R3HDM1: variants seen among roughly 807,000 people sequenced by gnomAD.
R3HDM1 encodes the protein R3H domain-containing protein 1.
R3HDM1 carries 46 observed loss-of-function variants against 141.1 expected under a neutral mutation model. That is an observed-to-expected ratio of 0.33 (90% confidence interval 0.26 to 0.42). The LOEUF is 0.42. Ranked by LOEUF, R3HDM1 falls within the 10% of genes least tolerant of loss-of-function variation. The pLI, the probability that R3HDM1 is intolerant of heterozygous loss-of-function variation, is 1.00. For synonymous variants in R3HDM1, 435 were observed against 472.9 expected (o/e 0.92, Z 1.04); for missense variants, 1,184 against 1,368.3 (o/e 0.87, Z 2.12).
At chr2:135,713,125 C>CT (rs2075836037) in intron 23 of R3HDM1, among the ~76,000 whole-genome samples, 2 of 152,032 alleles carry the variant, frequency 1.3e-5, no homozygotes, top group South Asian at 4.2e-4. Flanking sequence ...TTGCTTGACC[C>CT]TGAGTGGTAG....
At chr2:135,694,986 A>C (rs1361889025) in intron 21 of R3HDM1, among the ~76,000 whole-genome samples, 1 of 152,206 alleles carries the variant, frequency 6.6e-6, no homozygotes, top group Admixed American at 6.5e-5. Context: ...AAAGGACACT[A>C]TCTCAATATG....
intron 3 of R3HDM1, among the ~76,000 whole-genome samples, chr2:135,615,289 G>T (rs889688306): frequency 7.2e-5 from 11 of 151,872 alleles, no homozygotes; most frequent in African/African-American, 2.7e-4. Context: ...GGATATTAAG[G>T]ATTTTGTATC....
chr2:135,651,654 A>C, intron 17 of R3HDM1, 76 bp from the exon 18 acceptor site: 1 of 1,492,394 alleles, frequency 6.7e-7, no homozygotes, highest in Non-Finnish European at 8.9e-7. Context: ...TTATTTAAAA[A>C]TAGGAAGTAT....
chr2:135,541,851 TAAAA>T (rs10558924), intron 1 of R3HDM1, among the ~76,000 whole-genome samples: 33 of 121,916 alleles, frequency 2.7e-4, no homozygotes, highest in African/African-American at 7.3e-4. Flanking sequence ...TTCAATTTGT[TAAAA>T]AAAAAAAAAA....
chr2:135,554,258 T>C (rs1317630467), intron 1 of R3HDM1, among the ~76,000 whole-genome samples: 1 of 152,242 alleles, frequency 6.6e-6, no homozygotes, highest in Non-Finnish European at 1.5e-5. Flanking sequence ...CATATATGTG[T>C]AATCATATAG....
intron 7 of R3HDM1, among the ~76,000 whole-genome samples, chr2:135,628,615 CTTGTTTGT>C (rs112512085): frequency 5.9e-5 from 9 of 152,056 alleles, no homozygotes; most frequent in Middle Eastern, 3.4e-3. Flanking sequence ...TGCCTCCTTT[CTTGTTTGT>C]TTGTTTGTTT....
At chr2:135,687,079 C>T (rs1460790411) in intron 21 of R3HDM1, among the ~76,000 whole-genome samples, 1 of 152,096 alleles carries the variant, frequency 6.6e-6, no homozygotes, top group Non-Finnish European at 1.5e-5. Context: ...CCGGTAGTCT[C>T]AGCTACTCAG....
chr2:135,720,010 A>C (rs2076552713), intron 24 of R3HDM1, among the ~76,000 whole-genome samples: 1 of 151,906 alleles, frequency 6.6e-6, no homozygotes, highest in South Asian at 2.1e-4. Flanking sequence ...ACGCCTGGCT[A>C]ATTTTTTGTG....
Position 135,721,715 on chromosome 2 carries a change from G to A in R3HDM1, c.2882-209G>A, listed in dbSNP as rs567499458. Reference sequence around the variant, plus strand: ...CAGTTCTCATGCCTCAGCCTCCTGAGTAGCTAGAATTACAGGCGCCCACCA... The same window carrying A: ...CAGTTCTCATGCCTCAGCCTCCTGAATAGCTAGAATTACAGGCGCCCACCA... On this transcript the variant is annotated intron_variant, in intron 24 of 26. Coordinates refer to ENST00000683871, the MANE Select transcript of R3HDM1 (RefSeq NM_001378107.1). The A allele has an allele frequency of 2.4e-4, 97 of 412,420 alleles. 1 individual carries two copies. The East Asian group carries it at 4.6e-3, about 19-fold the overall frequency. 25.5% of individuals were successfully genotyped at this position (412,420 alleles called of 1,614,324 possible).
intron 1 of R3HDM1, among the ~76,000 whole-genome samples, chr2:135,593,742 A>G (rs1363088802): frequency 6.7e-6 from 1 of 150,224 alleles, no homozygotes; most frequent in Admixed American, 6.6e-5. Context: ...TTTTTTTGAG[A>G]CGGAGTCTGA....
At chr2:135,642,014 A>T (rs1297738801) in intron 15 of R3HDM1, among the ~76,000 whole-genome samples, 1 of 152,212 alleles carries the variant, frequency 6.6e-6, no homozygotes, top group Non-Finnish European at 1.5e-5. Flanking sequence ...TCTATGCCAA[A>T]TACTAGCCCA....
chr2:135,660,594 C>G (rs2066564403), intron 18 of R3HDM1, among the ~76,000 whole-genome samples: 1 of 151,836 alleles, frequency 6.6e-6, no homozygotes, highest in Admixed American at 6.6e-5. Context: ...GCCTGTAATC[C>G]CAGCACTTTG....
rs1414090421 is a variant in R3HDM1, at chr2:135,651,891, T to C, written c.1887T>C (p.Pro629=). ...IMTAAPPPHP[P]PPPPPPPPPP... is the part of the protein sequence containing the mutation. ...CAGCAGCCCCTCCACCACATCCTCCTCCACCGCCACCACCACCACCTCCTC... is the reference window on the plus strand; with the variant it reads ...CAGCAGCCCCTCCACCACATCCTCCCCCACCGCCACCACCACCACCTCCTC... Residue 629 remains proline (P), a synonymous_variant, in exon 18 of 27, where the codon CCT becomes CCC. Coordinates refer to ENST00000683871, the MANE Select transcript of R3HDM1 (RefSeq NM_001378107.1). 6.2e-7 allele frequency: 1 copy of C among 1,611,558 alleles called. No individual in the cohort carries two copies. The highest frequency in any genetic ancestry group is 1.1e-5 in the South Asian group (1 of 91,012).
In R3HDM1 at chr2:135,721,929, T is replaced by A. The variant is rs775184262; in HGVS notation, c.2887T>A (p.Ser963Thr). Residue 963 changes from serine (S) to threonine (T), a missense_variant, in exon 25 of 27, where the codon TCC becomes ACC. By Grantham distance (58) the Ser-to-Thr change is moderately conservative (BLOSUM62 1). Coordinates refer to ENST00000683871, the MANE Select transcript of R3HDM1 (RefSeq NM_001378107.1). Reference sequence around the variant, plus strand: ...AATATTTTATTGACTTTCAGGAGATTCCAGGTATCCATTACTTGGCCAGCC... The same window carrying A: ...AATATTTTATTGACTTTCAGGAGATACCAGGTATCCATTACTTGGCCAGCC... ...SRPFVPGQGD[S>T]RYPLLGQPLQ... The A allele has an allele frequency of 1.2e-6, 2 of 1,612,690 alleles. No homozygotes were observed.
At chr2:135,634,400 G>GGA (rs1226365219) in intron 9 of R3HDM1, among the ~76,000 whole-genome samples, 26 of 152,116 alleles carry the variant, frequency 1.7e-4, no homozygotes, top group Admixed American at 1.7e-3. Context: ...CAGCACTTTG[G>GGA]GAGACTGAGG....
intron 5 of R3HDM1, chr2:135,620,676 T>G (rs759796801): frequency 2.1e-6 from 2 of 950,738 alleles, no homozygotes; most frequent in Non-Finnish European, 2.5e-6. Context: ...TTATCTTTAG[T>G]AAAACTGGTG....
chr2:135,640,169 T>G (rs933871871), intron 14 of R3HDM1, among the ~76,000 whole-genome samples: 3 of 151,792 alleles, frequency 2.0e-5, no homozygotes, highest in African/African-American at 7.3e-5. Context: ...AAACATAAGG[T>G]ATTGTACACG....
intron 1 of R3HDM1, among the ~76,000 whole-genome samples, chr2:135,559,598 A>G (rs1701425432): frequency 6.6e-6 from 1 of 152,216 alleles, no homozygotes; most frequent in South Asian, 2.1e-4. Context: ...TCTCTGTATT[A>G]TCAATTATTA....
At chr2:135,665,597 T>G (rs915182452) in intron 19 of R3HDM1, 3 of 288,664 alleles carry the variant, frequency 1.0e-5, no homozygotes, top group Non-Finnish European at 2.3e-5. Flanking sequence ...TGCATCATAC[T>G]CAGAAATAGG....
Sources: allele counts gnomAD v4.1 joint callset (sites outside exome capture counted in the v4.1 genomes callset), GRCh38; gene constraint gnomAD v4.1.1; transcripts MANE v1.5; gene names NCBI Gene and HGNC (gene_info 2026-07-23, HGNC 2026-07-21).